SLC35F4: variants seen among roughly 807,000 people sequenced by gnomAD.
SLC35F4 encodes the protein solute carrier family 35 member F4, also known as chromosome 14 open reading frame 36.
In SLC35F4, 24 loss-of-function variants were observed where a neutral mutation model predicts 44.2. That is an observed-to-expected ratio of 0.54 (90% CI 0.39 to 0.76). The LOEUF (loss-of-function observed/expected upper bound fraction) is 0.76. Ranked by LOEUF, SLC35F4 falls within the 30% of genes least tolerant of loss-of-function variation. The pLI is 0.00. For missense variants in SLC35F4, 562 were observed against 586.1 expected (o/e 0.96, Z 0.42); for synonymous variants, 238 against 223.6 (o/e 1.06, Z -0.57).
At chr14:57,600,607 G>T (rs1337095295) in intron 1 of SLC35F4, among the ~76,000 whole-genome samples, 1 of 140,670 alleles carries the variant, frequency 7.1e-6, no homozygotes, top group Admixed American at 7.3e-5. Context: ...CAGGAGAATG[G>T]CGTGAACCCG....
intron 1 of SLC35F4, among the ~76,000 whole-genome samples, chr14:57,779,109 AAAAAAT>A: frequency 6.6e-6 from 1 of 152,022 alleles, no homozygotes; most frequent in East Asian, 1.9e-4. Context: ...AGAAGACAAA[AAAAAAT>A]AATAATAATA....
At chr14:57,706,630 A>G (rs1275841938) in intron 1 of SLC35F4, among the ~76,000 whole-genome samples, 1 of 152,196 alleles carries the variant, frequency 6.6e-6, no homozygotes, top group Non-Finnish European at 1.5e-5. Flanking sequence ...TGAGGAAGCA[A>G]AGTTCAAGCA....
intron 1 of SLC35F4, among the ~76,000 whole-genome samples, chr14:57,981,240 T>C (rs1185542318): frequency 6.6e-6 from 1 of 152,206 alleles, no homozygotes; most frequent in Non-Finnish European, 1.5e-5. Flanking sequence ...CCCACTGTGC[T>C]TGAGGAGAAT....
chr14:57,646,815 T>A (rs1281635315), intron 1 of SLC35F4, among the ~76,000 whole-genome samples: 1 of 152,194 alleles, frequency 6.6e-6, no homozygotes, highest in African/African-American at 2.4e-5. Context: ...GATTCTGGTA[T>A]GTTGTGTCTT....
chr14:57,683,492 T>C (rs1478757909), intron 1 of SLC35F4, among the ~76,000 whole-genome samples: 1 of 152,174 alleles, frequency 6.6e-6, no homozygotes, highest in Non-Finnish European at 1.5e-5. Context: ...GGAATCGTCA[T>C]TGCCTGCTTC....
intron 1 of SLC35F4, among the ~76,000 whole-genome samples, chr14:57,649,616 T>C (rs528405736): frequency 1.3e-5 from 2 of 152,326 alleles, no homozygotes; most frequent in African/African-American, 4.8e-5. Context: ...GATTCCAATG[T>C]GGCATCTCTG....
At chr14:57,961,796 T>C (rs1204717408) in intron 1 of SLC35F4, among the ~76,000 whole-genome samples, 4 of 152,186 alleles carry the variant, frequency 2.6e-5, no homozygotes, top group Non-Finnish European at 5.9e-5. Flanking sequence ...TTCCTTTTCA[T>C]TCCTCAAGCC....
chr14:57,878,900 T>C (rs1566919588), intron 1 of SLC35F4, among the ~76,000 whole-genome samples: 2 of 152,198 alleles, frequency 1.3e-5, no homozygotes, highest in Non-Finnish European at 2.9e-5. Flanking sequence ...AAGGAAGATC[T>C]ATTTACCTTC....
chr14:57,918,381 C>G (rs1280817085), intron 1 of SLC35F4, among the ~76,000 whole-genome samples: 2 of 152,178 alleles, frequency 1.3e-5, no homozygotes, highest in African/African-American at 4.8e-5. Context: ...TTGTGACTCT[C>G]TGTATCTGCC....
intron 1 of SLC35F4, among the ~76,000 whole-genome samples, chr14:57,667,417 T>C (rs1255559025): frequency 6.6e-6 from 1 of 151,654 alleles, no homozygotes; most frequent in Non-Finnish European, 1.5e-5. Flanking sequence ...ATGTGCCATG[T>C]TGGTGTGCTG....
intron 1 of SLC35F4, among the ~76,000 whole-genome samples, chr14:57,686,923 A>C (rs1461122864): frequency 6.6e-6 from 1 of 152,018 alleles, no homozygotes; most frequent in African/African-American, 2.4e-5. Flanking sequence ...AGAATGTGAT[A>C]GTATTTAGAG....
intron 1 of SLC35F4, among the ~76,000 whole-genome samples, chr14:57,671,487 A>T (rs746591070): frequency 6.6e-6 from 1 of 152,000 alleles, no homozygotes; most frequent in Non-Finnish European, 1.5e-5. Context: ...ATGGGCCAGA[A>T]GGGAACCCAC....
At chr14:57,646,645 A>G (rs1177693377) in intron 1 of SLC35F4, among the ~76,000 whole-genome samples, 1 of 151,756 alleles carries the variant, frequency 6.6e-6, no homozygotes, top group Admixed American at 6.6e-5. Context: ...GATCTTAGTT[A>G]TTTCTCACCT....
Position 57,709,560 on chromosome 14 carries a change from C to G in SLC35F4, c.104-115436G>C, listed in dbSNP as rs534972850. 5.9e-5 allele frequency among the ~76,000 whole-genome samples: 9 copies of G among 152,166 alleles called. 1 individual carries two copies. In the South Asian group the frequency reaches 1.7e-3, roughly 28 times the overall value. ...TTTTATATATTTTATTATACTGGAA[C>G]AGCTCATGCCCTCGGTCTCTTGCCT... On this transcript the variant is annotated intron_variant, in intron 1 of 7. Transcript: ENST00000556826.
intron 1 of SLC35F4, among the ~76,000 whole-genome samples, chr14:57,929,433 C>T (rs548705822): frequency 2.6e-5 from 4 of 151,954 alleles, no homozygotes; most frequent in African/African-American, 9.7e-5. Flanking sequence ...TCTTACAGCA[C>T]CTTAGAGCGG....
At chr14:57,662,657 T>G (rs1482238495) in intron 1 of SLC35F4, among the ~76,000 whole-genome samples, 1 of 152,186 alleles carries the variant, frequency 6.6e-6, no homozygotes, top group Non-Finnish European at 1.5e-5. Context: ...TGAGCCAAAA[T>G]AAACCTCTAC....
rs779858009 is a variant in SLC35F4 at position 57,589,183 on chromosome 14, G to A, written c.587+33C>T. On this transcript the variant is annotated intron_variant, in intron 3 of 7. Coordinates refer to ENST00000556826, the MANE Select transcript of SLC35F4 (RefSeq NM_001306087.2). The stretch of plus-strand genomic sequence containing the variant: ...GCATATTTTCATAAAACATTTCAAT[G>A]ATCTCTTATTGGGCAGTTAACATGA... 5.8e-6 allele frequency: 9 copies of A among 1,544,904 alleles called. No individual in the cohort carries two copies. In the African/African-American group the frequency reaches 9.7e-5, roughly 17 times the overall value.
intron 2 of SLC35F4, among the ~76,000 whole-genome samples, chr14:57,592,929 A>C (rs890827678): frequency 1.2e-4 from 18 of 152,082 alleles, no homozygotes; most frequent in Admixed American, 4.6e-4. Flanking sequence ...TTGAGGATGA[A>C]AGAGATTTTA....
At chr14:57,822,781 C>T (rs1376473982) in intron 1 of SLC35F4, among the ~76,000 whole-genome samples, 1 of 152,146 alleles carries the variant, frequency 6.6e-6, no homozygotes, top group Non-Finnish European at 1.5e-5. Flanking sequence ...CATTGGTTTT[C>T]CTCCTACTTT....
Sources: allele counts gnomAD v4.1 joint callset (sites outside exome capture counted in the v4.1 genomes callset), GRCh38; gene constraint gnomAD v4.1.1; transcripts MANE v1.5; gene names NCBI Gene and HGNC (gene_info 2026-07-23, HGNC 2026-07-21).